The following TMEM123 variants were observed in gnomAD, a reference collection of about 807,000 sequenced individuals.
TMEM123 encodes the protein transmembrane protein 123.
Under a neutral mutation model 19.7 loss-of-function variants are expected in TMEM123, and 16 were observed. The observed-to-expected ratio is 0.81, with a 90% confidence interval of 0.55 to 1.23. The LOEUF is 1.23. Among genes scored for constraint, TMEM123 ranks in the 50% most tolerant of loss-of-function variants. The pLI is 0.00. For synonymous variants in TMEM123, 118 were observed against 99.4 expected, an observed-to-expected ratio of 1.19 and a Z score of -1.12; for missense variants, 313 against 257.8, an observed-to-expected ratio of 1.21 and a Z score of -1.47.
chr11:102,415,010 C>G (rs138540124), intron 2 of TMEM123, among the ~76,000 whole-genome samples: 102 of 152,228 alleles, frequency 6.7e-4, no homozygotes, highest in African/African-American at 2.3e-3. Flanking sequence ...AAAAATCAAG[C>G]AAATGTAAAT....
intron 2 of TMEM123, among the ~76,000 whole-genome samples, chr11:102,438,525 A>T (rs1857789300): frequency 6.6e-6 from 1 of 152,208 alleles, no homozygotes. Context: ...CCAAACTAAC[A>T]GCTGTTCACT....
At chr11:102,435,319 T>A (rs1260822991) in intron 2 of TMEM123, among the ~76,000 whole-genome samples, 2 of 151,904 alleles carry the variant, frequency 1.3e-5, no homozygotes, top group South Asian at 2.1e-4. Flanking sequence ...ACAGAAAATA[T>A]ACAAATGACC....
intron 2 of TMEM123, among the ~76,000 whole-genome samples, chr11:102,406,728 G>A (rs1403005020): frequency 1.3e-5 from 2 of 151,928 alleles, no homozygotes; most frequent in African/African-American, 4.8e-5. Flanking sequence ...AAAATTAGCC[G>A]GGCATGGTGG....
intron 2 of TMEM123, among the ~76,000 whole-genome samples, chr11:102,432,369 G>A (rs967833264): frequency 6.6e-6 from 1 of 152,310 alleles, no homozygotes; most frequent in Middle Eastern, 3.4e-3. Flanking sequence ...GCAGATTTGA[G>A]GAACCTGTTG....
chr11:102,441,317 A>G (rs1451505659), intron 2 of TMEM123, among the ~76,000 whole-genome samples: 1 of 152,226 alleles, frequency 6.6e-6, no homozygotes, highest in Non-Finnish European at 1.5e-5. Context: ...AGCAAATGTA[A>G]AAGAACAGAA....
chr11:102,401,858 A>C, intron 3 of TMEM123, 58 bp downstream of exon 3: 1 of 1,571,388 alleles, frequency 6.4e-7, no homozygotes, highest in Non-Finnish European at 8.6e-7. Context: ...ATAATGACTT[A>C]AATGTGGCAT....
Position 102,444,729 on chromosome 11 carries a change from T to C in TMEM123, c.157+4083A>G, listed in dbSNP as rs568108426. Among the ~76,000 whole-genome samples, 13 of 152,160 alleles carry C rather than the reference T, an allele frequency of 8.5e-5. No homozygotes were observed. In the South Asian group the frequency reaches 1.0e-3, roughly 12 times the overall value. ...AAAGATACATGCACACACATGTTTA[T>C]TGCAGCACTATTCACAATAGCAAAG... is the stretch of plus-strand genomic sequence containing the variant. On this transcript the variant is annotated intron_variant, in intron 2 of 4. Coordinates refer to ENST00000398136, the MANE Select transcript of TMEM123 (RefSeq NM_052932.3).
In TMEM123 at chr11:102,398,773, T is replaced by G. The variant is rs1394291910; in HGVS notation, c.*94A>C. ...TATGCATGGCCTGTTTATACTATTT[T>G]CAAAAAGAGAATATTGTTTTAAACT... On this transcript the variant is annotated 3_prime_UTR_variant, in exon 5 of 5. Transcript: ENST00000398136. The G allele has an allele frequency of 5.4e-6, 7 of 1,302,642 alleles. No homozygotes were observed. In the East Asian group the frequency reaches 1.6e-4, roughly 30 times the overall value. 80.7% of individuals were successfully genotyped at this position (1,302,642 alleles called of 1,614,324 possible). A position where few individuals can be genotyped will look rare whatever the true frequency, so the allele number is the denominator to read the frequency against.
rs751749943 is a variant in TMEM123 at position 102,402,034 on chromosome 11, G to A, written c.330C>T (p.Thr110=). The stretch of plus-strand genomic sequence containing the variant: ...TTGTTTTGGGTGTAGACTTTAAGGT[G>A]GTAGAAGTCATATTTGTTGAGACCA... ...PGMVSTNMTS[T]TLKSTPKTTS... Residue 110 remains threonine (T), a synonymous_variant, in exon 3 of 5, where the codon ACC becomes ACT. Coordinates refer to ENST00000398136, the MANE Select transcript of TMEM123 (RefSeq NM_052932.3). 6.2e-7 allele frequency: 1 copy of A among 1,613,900 alleles called. No individual in the cohort carries two copies. Among genetic ancestry groups the A allele is most frequent in the East Asian group, 2.2e-5 (1 of 44,864 alleles).
At chr11:102,446,704 C>A (rs1402861005) in intron 2 of TMEM123, among the ~76,000 whole-genome samples, 3 of 152,090 alleles carry the variant, frequency 2.0e-5, no homozygotes, top group Non-Finnish European at 2.9e-5. Context: ...AACTTGGAGA[C>A]CAAAACAAGA....
intron 2 of TMEM123, among the ~76,000 whole-genome samples, chr11:102,415,112 C>T (rs917496555): frequency 6.6e-6 from 1 of 152,188 alleles, no homozygotes; most frequent in Non-Finnish European, 1.5e-5. Context: ...CATAATGATA[C>T]AGGGTTACCT....
chr11:102,404,878 G>A (rs541798208), intron 2 of TMEM123, among the ~76,000 whole-genome samples: 19 of 152,240 alleles, frequency 1.2e-4, no homozygotes, highest in Non-Finnish European at 2.2e-4. Flanking sequence ...GGGATTACAG[G>A]CTAAGCCACC....
intron 2 of TMEM123, among the ~76,000 whole-genome samples, chr11:102,419,407 G>A (rs1952066419): frequency 6.6e-6 from 1 of 152,104 alleles, no homozygotes; most frequent in Admixed American, 6.6e-5. Context: ...AATGGTGTGA[G>A]GCAAGAAAGG....
chr11:102,422,428 T>C (rs11225251), intron 2 of TMEM123, among the ~76,000 whole-genome samples: 9,377 of 152,100 alleles, frequency 0.062, 337 homozygotes, highest in Non-Finnish European at 0.074. Flanking sequence ...GAGCCGAGAT[T>C]GTGTCACTGC....
intron 2 of TMEM123, among the ~76,000 whole-genome samples, chr11:102,426,415 C>T (rs1952126551): frequency 6.6e-6 from 1 of 152,012 alleles, no homozygotes; most frequent in Non-Finnish European, 1.5e-5. Flanking sequence ...CACTTTTACG[C>T]CCGCATCACA....
intron 2 of TMEM123, among the ~76,000 whole-genome samples, chr11:102,441,947 C>T (rs1302430645): frequency 6.6e-6 from 1 of 152,148 alleles, no homozygotes; most frequent in Non-Finnish European, 1.5e-5. Context: ...ACTAGAAAAT[C>T]TAGAAGAAAT....
At chr11:102,416,929 TAA>T (rs1952048010) in intron 2 of TMEM123, among the ~76,000 whole-genome samples, 1 of 152,162 alleles carries the variant, frequency 6.6e-6, no homozygotes, top group Non-Finnish European at 1.5e-5. Flanking sequence ...AGGCTTTTAA[TAA>T]AATTCAAAAT....
chr11:102,409,939 G>C (rs1664447085), intron 2 of TMEM123, among the ~76,000 whole-genome samples: 1 of 149,654 alleles, frequency 6.7e-6, no homozygotes, highest in Non-Finnish European at 1.5e-5. Context: ...CTTAAAAAAA[G>C]TCACATCATG....
At chr11:102,450,564 T>G (rs1000321356) in intron 1 of TMEM123, among the ~76,000 whole-genome samples, 3 of 152,368 alleles carry the variant, frequency 2.0e-5, no homozygotes, top group East Asian at 1.9e-4. Flanking sequence ...TGTTTTTATC[T>G]TCTCCCACAA....
Sources: gnomAD v4.1 joint callset for allele counts (sites outside exome capture counted in the v4.1 genomes callset) on GRCh38, gnomAD v4.1.1 for gene constraint, MANE v1.5 for transcripts, NCBI Gene and HGNC (gene_info 2026-07-23, HGNC 2026-07-21) for gene names.